Variants in IP6K3 observed in about 807,000 individuals in gnomAD.
IP6K3 encodes the protein inositol hexakisphosphate kinase 3.
A neutral mutation model predicts 28.8 loss-of-function variants in IP6K3; 20 were observed. The observed-to-expected ratio is 0.70, with a 90% CI of 0.49 to 1.01. The LOEUF is 1.01. IP6K3 is among the 50% of genes least tolerant of loss of function. The probability of loss-of-function intolerance (pLI) is 0.00; values close to 1 mark genes in which losing one functional copy is unlikely to be tolerated. For missense variants in IP6K3, 480 were observed against 537.1 expected (o/e 0.89, Z 1.05); for synonymous variants, 213 against 221.3 (o/e 0.96, Z 0.33).
chr6:33,728,136 T>C lies in IP6K3; in HGVS notation c.364A>G (p.Thr122Ala), dbSNP rs1232541219. The C allele has an allele frequency of 6.2e-7, 1 of 1,609,936 alleles. No individual in the cohort carries two copies. The highest frequency in any genetic ancestry group is 1.1e-5 in the South Asian group (1 of 91,070). Reference protein sequence around the residue: ...QTTGSNGSDCTLAQWPHAQLA... With the variant: ...QTTGSNGSDCALAQWPHAQLA... ...TGGGCATGCGGCCACTGGGCAAGGG[T>C]GCAGTCGCTGCCATTGCTGCCGGTG... The change falls in exon 3 of 6, where the codon ACC becomes GCC. Residue 122 changes from threonine to alanine, a missense_variant. By Grantham distance (58) the Thr-to-Ala change is moderately conservative (BLOSUM62 0). Transcript: ENST00000293756.
intron 5 of IP6K3, 36 bp downstream of exon 5, chr6:33,725,405 G>A (rs1766064715): frequency 2.5e-6 from 4 of 1,581,168 alleles, no homozygotes; most frequent in Non-Finnish European, 3.4e-6. Flanking sequence ...GACGTGCCGG[G>A]ATGTCCCCCC....
chr6:33,733,983 A>C (rs867710131), intron 2 of IP6K3, among the ~76,000 whole-genome samples: 6 of 152,146 alleles, frequency 3.9e-5, no homozygotes, highest in Non-Finnish European at 7.4e-5. Flanking sequence ...TGGGTGGATC[A>C]CCTGAGGTTG....
intron 1 of IP6K3, among the ~76,000 whole-genome samples, chr6:33,740,736 G>A (rs1236220957): frequency 6.6e-6 from 1 of 152,216 alleles, no homozygotes; most frequent in Non-Finnish European, 1.5e-5. Flanking sequence ...GAGAGTCTTT[G>A]TATCTTATAA....
In IP6K3 at chr6:33,735,395, GC is replaced by G; in HGVS notation, c.81del (p.His28ThrfsTer2). ...QLEPFLHQVG[G>X]HMSVMKYDEH... Reference sequence around the variant, plus strand: ...TCGTCATACTTCATCACGCTCATGTGCCCCCCGACCTGGTGCAGGAAGGGCT... The same window carrying G: ...TCGTCATACTTCATCACGCTCATGTGCCCCCGACCTGGTGCAGGAAGGGCT... On this transcript the variant is annotated frameshift_variant, in exon 2 of 6. Coordinates refer to ENST00000293756, the MANE Select transcript of IP6K3 (RefSeq NM_054111.5). LOFTEE classifies it high-confidence loss of function. The G allele has an allele frequency of 3.1e-6, 5 of 1,607,018 alleles. No individual in the cohort carries two copies. The highest frequency in any genetic ancestry group is 1.3e-5 in the African/African-American group (1 of 74,944).
intron 2 of IP6K3, among the ~76,000 whole-genome samples, chr6:33,732,740 A>T (rs1766362736): frequency 6.6e-6 from 1 of 152,194 alleles, no homozygotes; most frequent in Non-Finnish European, 1.5e-5. Flanking sequence ...GGATTGTGTG[A>T]ATTAGTGCAC....
At chr6:33,749,729 G>A (rs1766995779), upstream of IP6K3, among the ~76,000 whole-genome samples, 1 of 151,604 alleles carries the variant, frequency 6.6e-6, no homozygotes, top group Non-Finnish European at 1.5e-5. Context: ...CAGGTTAGGG[G>A]GAGGGCCGGC....
the IP6K3 span, among the ~76,000 whole-genome samples, chr6:33,759,679 C>T: frequency 3.0e-4 from 46 of 152,172 alleles, no homozygotes; most frequent in South Asian, 6.2e-4. Flanking sequence ...CTGGTTAACA[C>T]GGTGAAACCC....
chr6:33,748,025 T>A (rs1032128013), upstream of IP6K3, among the ~76,000 whole-genome samples: 13 of 151,918 alleles, frequency 8.6e-5, no homozygotes, highest in Non-Finnish European at 1.8e-4. Context: ...CCTGGACCAG[T>A]ATTAGGAAGA....
At chr6:33,727,130 CTTA>C (rs1368227627) in intron 3 of IP6K3, among the ~76,000 whole-genome samples, 1 of 152,208 alleles carries the variant, frequency 6.6e-6, no homozygotes, top group Non-Finnish European at 1.5e-5. Flanking sequence ...CCCTGGAGAA[CTTA>C]TTAGAACATG....
Position 33,728,060 on chromosome 6 carries a change from T to C in IP6K3, c.413+27A>G, listed in dbSNP as rs765341491. ...GCCGGTCCCTGCCGAGGGACAGGGT[T>C]TCTGTCATCCTGCCCAGTGCCCTCA... On this transcript the variant is annotated intron_variant, in intron 3 of 5. Transcript: ENST00000293756. 4 of 1,594,334 alleles carry C rather than the reference T, an allele frequency of 2.5e-6. No individual in the cohort carries two copies. The Admixed American group carries it at 6.7e-5, about 27-fold the overall frequency.
At chr6:33,754,981 C>CA in the IP6K3 span, among the ~76,000 whole-genome samples, 1 of 152,216 alleles carries the variant, frequency 6.6e-6, no homozygotes, top group Non-Finnish European at 1.5e-5. Context: ...TCTGACTCCT[C>CA]ACACAGGGTT....
chr6:33,743,391 T>C (rs1766796635), intron 1 of IP6K3, among the ~76,000 whole-genome samples: 1 of 152,212 alleles, frequency 6.6e-6, no homozygotes, highest in Non-Finnish European at 1.5e-5. Flanking sequence ...AGAGGTTTGG[T>C]ACAAGTACCA....
In IP6K3 at chr6:33,725,498, C is replaced by T; in HGVS notation, c.708G>A (p.Met236Ile). The part of the protein sequence containing the change: ...DASEEKKARH[M>I]RKCAQSTSAC... ...CTGAGGTGCTCTGCGCACACTTCCT[C>T]ATGTGGCGGGCCTTCTTCTCCTCCG... The change falls in exon 5 of 6, where the codon ATG becomes ATA. Residue 236 changes from methionine to isoleucine, a missense_variant. Met to Ile is a conservative substitution (Grantham distance 10). Coordinates refer to ENST00000293756, the MANE Select transcript of IP6K3 (RefSeq NM_054111.5). The T allele has an allele frequency of 1.2e-6, 2 of 1,613,932 alleles. No homozygotes were observed. The highest frequency in any genetic ancestry group is 1.6e-4 in the Middle Eastern group (1 of 6,062).
chr6:33,759,739 G>T, the IP6K3 span, among the ~76,000 whole-genome samples: 4 of 152,162 alleles, frequency 2.6e-5, no homozygotes, highest in African/African-American at 9.7e-5. Context: ...TGGGCGTGGT[G>T]GCGGGTGCCT....
intron 1 of IP6K3, among the ~76,000 whole-genome samples, chr6:33,739,481 T>G (rs981916554): frequency 6.7e-6 from 1 of 148,564 alleles, no homozygotes; most frequent in Non-Finnish European, 1.5e-5. Flanking sequence ...CTGGGCAGGG[T>G]GGGTTTCGCC....
Position 33,744,874 on chromosome 6 carries a change from A to G in IP6K3, c.-180+1884T>C, listed in dbSNP as rs1766850178. Among the ~76,000 whole-genome samples, 2 of 146,620 alleles carry G rather than the reference A, an allele frequency of 1.4e-5. No individual in the cohort carries two copies. The highest frequency in any genetic ancestry group is 4.9e-5 in the African/African-American group (2 of 40,560). ...TAACCAGGGTCAGGGGCTGAAGGGG[A>G]GGGGGTGGGAATGGGCTGGGGGTGG... On this transcript the variant is annotated intron_variant, in intron 1 of 5. Coordinates refer to ENST00000293756, the MANE Select transcript of IP6K3 (RefSeq NM_054111.5). This position sits in a 1 kb window ranked among gnomAD's most constrained non-coding sequence, Gnocchi z 4.4.
upstream of IP6K3, among the ~76,000 whole-genome samples, chr6:33,751,778 G>A (rs555439537): frequency 1.4e-3 from 206 of 152,220 alleles, no homozygotes; most frequent in African/African-American, 4.6e-3. This position sits in a 1 kb window ranked among gnomAD's most constrained non-coding sequence, Gnocchi z 4.3. Context: ...GGCAGCCCTC[G>A]GTCACACCTT....
In IP6K3 at chr6:33,722,775, A is replaced by G. The variant is rs1765948507; in HGVS notation, c.1178T>C (p.Ile393Thr). The G allele has an allele frequency of 1.2e-6, 2 of 1,613,702 alleles. No homozygotes were observed. The highest frequency in any genetic ancestry group is 2.2e-5 in the South Asian group (2 of 91,034). Residue 393 changes from isoleucine (I) to threonine (T), a missense_variant, in exon 6 of 6, where the codon ATT becomes ACT. Ile to Thr is a moderately conservative substitution (Grantham distance 89). Transcript: ENST00000293756. ...TTYDGPDPGY[I>T]FGLENLIRIL... ...CCTGATGAGGTTTTCCAGGCCAAAA[A>G]TATAGCCAGGGTCTGGTCCATCGTA...
the IP6K3 span, among the ~76,000 whole-genome samples, chr6:33,754,339 C>T: frequency 1.3e-5 from 2 of 151,888 alleles, no homozygotes; most frequent in African/African-American, 2.4e-5. Context: ...AAGGAAGGTG[C>T]GGGGCTGGGG....
Sources: gnomAD v4.1 joint callset for allele counts (sites outside exome capture counted in the v4.1 genomes callset) on GRCh38, gnomAD v4.1.1 for gene constraint, Gnocchi (gnomAD v3.1) non-coding constraint, MANE v1.5 for transcripts, NCBI Gene and HGNC (gene_info 2026-07-23, HGNC 2026-07-21) for gene names.